The following PDE7A variants were observed in gnomAD, a reference collection of about 807,000 sequenced individuals.
PDE7A encodes phosphodiesterase 7A.
PDE7A carries 39 observed loss-of-function variants against 64.3 expected under a neutral mutation model. The ratio of observed to expected loss-of-function variants is 0.61; its 90% CI spans 0.47 to 0.79. PDE7A has a LOEUF of 0.79. Among genes scored for constraint, PDE7A ranks in the 30% least tolerant of loss-of-function variants. The pLI, the probability that PDE7A is intolerant of heterozygous loss-of-function variation, is 0.00. For missense variants in PDE7A, 470 were observed against 582.8 expected (o/e 0.81, Z 1.99); for synonymous variants, 203 against 206.8 (o/e 0.98, Z 0.16).
intron 1 of PDE7A, among the ~76,000 whole-genome samples, chr8:65,797,016 CTG>C (rs1251508616): frequency 2.6e-5 from 4 of 152,088 alleles, no homozygotes; most frequent in Non-Finnish European, 4.4e-5. Context: ...AAAAAATCAA[CTG>C]TATTTCTATA....
At chr8:65,794,707 C>G (rs952213691) in intron 1 of PDE7A, among the ~76,000 whole-genome samples, 40 of 151,940 alleles carry the variant, frequency 2.6e-4, no homozygotes, top group African/African-American at 9.7e-4. Flanking sequence ...AAGAGAGAGA[C>G]ACACACACAG....
At chr8:65,790,307 T>C (rs998905788) in intron 1 of PDE7A, among the ~76,000 whole-genome samples, 13 of 152,148 alleles carry the variant, frequency 8.5e-5, no homozygotes, top group Admixed American at 7.9e-4. Flanking sequence ...GTAGTAGATT[T>C]TGCTTTTTAA....
rs1236791668 is a variant in PDE7A, at chr8:65,715,106, A to G, written c.*4184T>C. ...GGTGGCCATGTGTGTGAAAATTTTTAGTCTCCCATGTAAAATAAATTTTGC... is the reference window on the plus strand; with the variant it reads ...GGTGGCCATGTGTGTGAAAATTTTTGGTCTCCCATGTAAAATAAATTTTGC... On this transcript the variant is annotated 3_prime_UTR_variant, in exon 13 of 13. Transcript: ENST00000401827. 4.6e-5 allele frequency among the ~76,000 whole-genome samples: 7 copies of G among 152,198 alleles called. No individual in the cohort carries two copies. The highest frequency in any genetic ancestry group is 1.2e-4 in the African/African-American group (5 of 41,440).
rs565990513 is a variant in PDE7A, at chr8:65,716,163, A to C, written c.*3127T>G. Among the ~76,000 whole-genome samples the C allele has an allele frequency of 1.3e-5, 2 of 151,220 alleles. No individual in the cohort carries two copies. The highest frequency in any genetic ancestry group is 1.3e-4 in the Admixed American group (2 of 15,176). On this transcript the variant is annotated 3_prime_UTR_variant, in exon 13 of 13. Transcript: ENST00000401827. ...GACCCTGTCTCAAAAAAAAAAAAAA[A>C]CAAAAGGGCTATAGAAGGTGATTCC... is the stretch of plus-strand genomic sequence containing the variant.
chr8:65,813,452 G>T (rs540159577), intron 1 of PDE7A, among the ~76,000 whole-genome samples: 7 of 152,140 alleles, frequency 4.6e-5, no homozygotes, highest in Non-Finnish European at 7.3e-5. Flanking sequence ...TGATTGGTAT[G>T]AACTGGGAAA....
intron 1 of PDE7A, among the ~76,000 whole-genome samples, chr8:65,840,006 A>G (rs1811039993): frequency 6.6e-6 from 1 of 152,212 alleles, no homozygotes; most frequent in African/African-American, 2.4e-5. Flanking sequence ...AGAAGTAAAA[A>G]AAGTTACTAC....
rs185455234 is a variant in PDE7A, at chr8:65,731,949, C to G, written c.696+2845G>C. On this transcript the variant is annotated intron_variant, in intron 7 of 12. Transcript: ENST00000401827. ...TCTAAAGTTGTAAAACTCTTGCCAT[C>G]CACCTGGTCATTCTCTATATTATTA... Among the ~76,000 whole-genome samples, 90 of 152,120 alleles carry G rather than the reference C, an allele frequency of 5.9e-4. 1 individual carries two copies. Among genetic ancestry groups the G allele is most frequent in the Admixed American group, 3.3e-3 (50 of 15,256 alleles).
rs540558542 is a variant in PDE7A at position 65,749,014 on chromosome 8, C to T, written c.284-1211G>A. ...CATTTCCTTAGCCTGGAAGAGAAGGCTTCACGCTCCAAGTCTGGCTCTTTG... is the reference window on the plus strand; with the variant it reads ...CATTTCCTTAGCCTGGAAGAGAAGGTTTCACGCTCCAAGTCTGGCTCTTTG... On this transcript the variant is annotated intron_variant, in intron 3 of 12. Transcript: ENST00000401827. Among the ~76,000 whole-genome samples, 19 of 152,296 alleles carry T rather than the reference C, an allele frequency of 1.2e-4. No individual in the cohort carries two copies. The South Asian group carries it at 3.5e-3, about 28-fold the overall frequency.
chr8:65,779,701 C>A lies in PDE7A; in HGVS notation c.283+19G>T. On this transcript the variant is annotated intron_variant, in intron 3 of 12. Transcript: ENST00000401827. The stretch of plus-strand genomic sequence containing the variant: ...TTTGTAGTGAAAATCCGAGAAACTT[C>A]ATGTCTACCAACACTTACAGTGGAA... 7.8e-7 allele frequency: 1 copy of A among 1,286,168 alleles called. No individual in the cohort carries two copies. The highest frequency in any genetic ancestry group is 1.1e-6 in the Non-Finnish European group (1 of 907,534). 79.7% of individuals were successfully genotyped at this position (1,286,168 alleles called of 1,614,324 possible).
intron 3 of PDE7A, among the ~76,000 whole-genome samples, chr8:65,777,077 C>CTTTT (rs56661178): frequency 2.7e-4 from 24 of 90,446 alleles, no homozygotes; most frequent in Non-Finnish European, 3.5e-4. Context: ...TTATCAAATG[C>CTTTT]TTTTTTTTTT....
At position 65,841,593 on chromosome 8, in the gene PDE7A, G is replaced by C; in HGVS notation, c.-85C>G. ...AGTGGGAGGGGGCCGCGGCTCGGGG[G>C]CTCCGGGCCGAGACGGGGGCAGGGC... On this transcript the variant is annotated 5_prime_UTR_variant, in exon 1 of 13. Transcript: ENST00000401827. 1 of 714,494 alleles carries C rather than the reference G, an allele frequency of 1.4e-6. No individual in the cohort carries two copies. The highest frequency in any genetic ancestry group is 1.9e-6 in the Non-Finnish European group (1 of 537,656). The allele number at this position is 714,494 out of a possible 1,614,324, so 44.3% of individuals were successfully genotyped here.
intron 1 of PDE7A, among the ~76,000 whole-genome samples, chr8:65,785,832 T>G (rs1273234242): frequency 9.1e-6 from 1 of 109,474 alleles, no homozygotes; most frequent in East Asian, 1.9e-4. Flanking sequence ...ACATTATTAT[T>G]ATGATTTTTT....
chr8:65,799,429 T>C (rs1166946020), intron 1 of PDE7A, among the ~76,000 whole-genome samples: 1 of 152,074 alleles, frequency 6.6e-6, no homozygotes. Context: ...AGAGGTTTCA[T>C]CCAGGAGACT....
intron 1 of PDE7A, among the ~76,000 whole-genome samples, chr8:65,813,914 C>G (rs1027472945): frequency 1.3e-5 from 2 of 152,142 alleles, no homozygotes; most frequent in African/African-American, 4.8e-5. Context: ...AATATCACAC[C>G]CATGAACTTC....
At chr8:65,806,305 C>T (rs1810107576) in intron 1 of PDE7A, among the ~76,000 whole-genome samples, 1 of 151,960 alleles carries the variant, frequency 6.6e-6, no homozygotes, top group Admixed American at 6.6e-5. Flanking sequence ...AGTACATATT[C>T]ACTTTGTAAA....
At chr8:65,783,447 T>C (rs1809471018) in intron 1 of PDE7A, among the ~76,000 whole-genome samples, 1 of 152,176 alleles carries the variant, frequency 6.6e-6, no homozygotes, top group Admixed American at 6.5e-5. Flanking sequence ...ACACCAAATA[T>C]ACAGCCTTTC....
chr8:65,757,456 T>A (rs1481673815), intron 3 of PDE7A, among the ~76,000 whole-genome samples: 1 of 152,166 alleles, frequency 6.6e-6, no homozygotes, highest in Non-Finnish European at 1.5e-5. Flanking sequence ...TCTCCCAGGG[T>A]GAGGCTACTC....
chr8:65,788,791 G>C (rs1809626095), intron 1 of PDE7A: 1 of 821,106 alleles, frequency 1.2e-6, no homozygotes, highest in Admixed American at 2.0e-5. Context: ...AAAAACTGAG[G>C]CAAAAGGAGG....
chr8:65,773,268 T>G (rs1023661766), intron 3 of PDE7A, among the ~76,000 whole-genome samples: 2 of 152,200 alleles, frequency 1.3e-5, no homozygotes, highest in Non-Finnish European at 2.9e-5. Flanking sequence ...TAATGCATTT[T>G]TCTCTATTAA....
Sources: gnomAD v4.1 joint callset for allele counts (sites outside exome capture counted in the v4.1 genomes callset) on GRCh38, gnomAD v4.1.1 for gene constraint, MANE v1.5 for transcripts, NCBI Gene and HGNC (gene_info 2026-07-23, HGNC 2026-07-21) for gene names.